Variants in UNC13C observed in about 807,000 individuals in gnomAD.
The protein encoded by UNC13C is protein unc-13 homolog C.
In UNC13C, 174 loss-of-function variants were observed where a neutral mutation model predicts 245.4. That is an observed-to-expected ratio of 0.71 (90% confidence interval 0.63 to 0.80). The LOEUF (loss-of-function observed/expected upper bound fraction) is 0.80. Among genes scored for constraint, UNC13C ranks in the 30% least tolerant of loss-of-function variants. The probability of loss-of-function intolerance (pLI) is 0.00; values close to 1 mark genes in which losing one functional copy is unlikely to be tolerated. For synonymous variants in UNC13C, 992 were observed against 895.1 expected, an observed-to-expected ratio of 1.11 and a Z score of -1.93; for missense variants, 2,829 against 2,602.9, an observed-to-expected ratio of 1.09 and a Z score of -1.89.
At chr15:54,456,845 C>T (rs1891558438) in intron 19 of UNC13C, among the ~76,000 whole-genome samples, 2 of 152,022 alleles carry the variant, frequency 1.3e-5, no homozygotes, top group South Asian at 2.1e-4. Context: ...TTGACTTCCT[C>T]TTTACTGATT....
chr15:54,343,532 A>C (rs2038788029), intron 17 of UNC13C, among the ~76,000 whole-genome samples: 1 of 152,094 alleles, frequency 6.6e-6, no homozygotes, highest in Non-Finnish European at 1.5e-5. Flanking sequence ...ATGAGCCCTA[A>C]ATTTTATAAT....
At chr15:53,924,019 A>G in the UNC13C span, among the ~76,000 whole-genome samples, 1 of 152,156 alleles carries the variant, frequency 6.6e-6, no homozygotes, top group African/African-American at 2.4e-5. Flanking sequence ...CCAGCCTAAC[A>G]TGGTGAAACC....
chr15:53,864,502 A>G, the UNC13C span, among the ~76,000 whole-genome samples: 3,231 of 152,324 alleles, frequency 0.021, 122 homozygotes, highest in African/African-American at 0.074. Context: ...GCATGATTAT[A>G]TAATGACTTT....
intron 1 of UNC13C, among the ~76,000 whole-genome samples, chr15:53,986,991 T>C (rs547131064): frequency 6.6e-6 from 1 of 152,162 alleles, no homozygotes; most frequent in South Asian, 2.1e-4. Context: ...ATAAATATAA[T>C]AGATATTTAC....
chr15:54,071,571 G>A (rs1898328679), intron 2 of UNC13C, among the ~76,000 whole-genome samples: 1 of 152,012 alleles, frequency 6.6e-6, no homozygotes, highest in Non-Finnish European at 1.5e-5. Context: ...ATCCAGTGTA[G>A]GCAAACAATG....
intron 30 of UNC13C, among the ~76,000 whole-genome samples, chr15:54,592,550 TC>T (rs1898848690): frequency 1.3e-5 from 2 of 152,194 alleles, no homozygotes; most frequent in African/African-American, 2.4e-5. Context: ...TTCTATACTG[TC>T]CCTTTTTGTC....
intron 2 of UNC13C, among the ~76,000 whole-genome samples, chr15:54,020,969 TC>T (rs1437249001): frequency 1.3e-5 from 2 of 152,198 alleles, no homozygotes; most frequent in African/African-American, 4.8e-5. Context: ...TAACCTTTTG[TC>T]TAGTATTTTT....
chr15:54,483,068 A>G (rs1893214415), intron 19 of UNC13C, among the ~76,000 whole-genome samples: 1 of 152,236 alleles, frequency 6.6e-6, no homozygotes, highest in South Asian at 2.1e-4. Context: ...TAATTTTCTA[A>G]TATAGTGAAT....
At chr15:54,615,408 C>G (rs890126873) in intron 30 of UNC13C, among the ~76,000 whole-genome samples, 11 of 151,874 alleles carry the variant, frequency 7.2e-5, no homozygotes, top group Non-Finnish European at 1.5e-4. Flanking sequence ...TAACTTGGCT[C>G]CCATTACTAT....
At chr15:54,215,170 T>A (rs2035002718) in intron 4 of UNC13C, among the ~76,000 whole-genome samples, 3 of 139,654 alleles carry the variant, frequency 2.1e-5, no homozygotes, top group African/African-American at 7.8e-5. Flanking sequence ...AGGTACATAT[T>A]GTAATTGAGT....
chr15:54,435,793 C>T (rs2040972178), intron 19 of UNC13C, among the ~76,000 whole-genome samples: 1 of 151,024 alleles, frequency 6.6e-6, no homozygotes. Context: ...GAACAGGCAA[C>T]CTACAGAATG....
chr15:54,309,438 C>T (rs940228961), intron 13 of UNC13C, among the ~76,000 whole-genome samples: 1 of 151,778 alleles, frequency 6.6e-6, no homozygotes, highest in African/African-American at 2.4e-5. Context: ...CAAATTTTTT[C>T]TCCCACATTG....
chr15:53,958,861 T>C, the UNC13C span, among the ~76,000 whole-genome samples: 1 of 152,192 alleles, frequency 6.6e-6, no homozygotes, highest in Non-Finnish European at 1.5e-5. Context: ...TTATTAACTA[T>C]AATTACTGTA....
In UNC13C at chr15:54,357,883, TTA is replaced by T. The variant is rs369070963; in HGVS notation, c.4713+19398_4713+19399del. Among the ~76,000 whole-genome samples, 11 of 152,076 alleles carry T rather than the reference TTA, an allele frequency of 7.2e-5. No homozygotes were observed. The South Asian group carries it at 8.3e-4, about 11-fold the overall frequency. On this transcript the variant is annotated intron_variant, in intron 17 of 32. Transcript: ENST00000260323. ...GTGTGTATTTATGTAAACCATTATT[TTA>T]TATGTGTTTGTATGTATGTATATAC...
intron 17 of UNC13C, among the ~76,000 whole-genome samples, chr15:54,379,675 A>G (rs1486866838): frequency 6.6e-6 from 1 of 152,100 alleles, no homozygotes; most frequent in African/African-American, 2.4e-5. Context: ...ATTTCTATCA[A>G]GCAACCTACA....
Position 54,599,990 on chromosome 15 carries a change from T to G in UNC13C, c.6107-22337T>G, listed in dbSNP as rs567924989. ...TCTCTTGCTTTTGTAGTAATTGTTT[T>G]GAATACTTTTGTTTTTTTAGGAAGA... On this transcript the variant is annotated intron_variant, in intron 30 of 32. Coordinates refer to ENST00000260323, the MANE Select transcript of UNC13C (RefSeq NM_001080534.3). Among the ~76,000 whole-genome samples, 3 of 152,280 alleles carry G rather than the reference T, an allele frequency of 2.0e-5. 1 individual carries two copies. The East Asian group carries it at 5.8e-4, about 29-fold the overall frequency.
At chr15:54,190,696 A>G (rs1000981964) in intron 4 of UNC13C, among the ~76,000 whole-genome samples, 4 of 152,028 alleles carry the variant, frequency 2.6e-5, no homozygotes, top group African/African-American at 7.2e-5. Flanking sequence ...TACTGCAAAA[A>G]TTATTATTTT....
At chr15:54,164,736 A>T (rs1343511187) in intron 4 of UNC13C, among the ~76,000 whole-genome samples, 1 of 152,154 alleles carries the variant, frequency 6.6e-6, no homozygotes, top group African/African-American at 2.4e-5. Flanking sequence ...TTTGGGTTTA[A>T]TTTTTCTCAG....
intron 10 of UNC13C, 115 bp downstream of exon 10, chr15:54,265,611 G>A (rs920582152): frequency 5.0e-6 from 4 of 795,980 alleles, no homozygotes; most frequent in Non-Finnish European, 7.2e-6. Context: ...TTACCCAAAA[G>A]TAATAAAAAA....
Sources: allele counts gnomAD v4.1 joint callset (sites outside exome capture counted in the v4.1 genomes callset), GRCh38; gene constraint gnomAD v4.1.1; transcripts MANE v1.5; gene names NCBI Gene and HGNC (gene_info 2026-07-23, HGNC 2026-07-21).